The following ATG16L1 variants were observed in gnomAD, a reference collection of about 807,000 sequenced individuals.
ATG16L1 encodes the protein autophagy-related protein 16-1.
ATG16L1 carries 37 observed loss-of-function variants against 88.5 expected under a neutral mutation model. That is an observed-to-expected ratio of 0.42 (90% CI 0.32 to 0.55). The LOEUF is 0.55. ATG16L1 is among the 20% of genes least tolerant of loss of function. The pLI, the probability that ATG16L1 is intolerant of heterozygous loss-of-function variation, is 0.13. For missense variants in ATG16L1, 554 were observed against 752.8 expected (o/e 0.74, Z 3.09); for synonymous variants, 301 against 281.0 (o/e 1.07, Z -0.71).
chr2:233,253,335 T>TTG (rs1696527928), intron 1 of ATG16L1, among the ~76,000 whole-genome samples: 2 of 129,956 alleles, frequency 1.5e-5, no homozygotes, highest in Non-Finnish European at 3.4e-5. Flanking sequence ...AGACTGGGTT[T>TTG]TTTTGTTTTT....
At chr2:233,264,857 G>GGGCTCTGGCA (rs2125226422) in intron 4 of ATG16L1, 35 bp from the exon 5 acceptor site, 1 of 1,610,888 alleles carries the variant, frequency 6.2e-7, no homozygotes, top group Non-Finnish European at 8.5e-7. Flanking sequence ...GGGCTCTGGC[G>GGGCTCTGGCA]AGGTACTATT....
At chr2:233,283,080 G>A in intron 12 of ATG16L1, 1 of 256,066 alleles carries the variant, frequency 3.9e-6, no homozygotes, top group Non-Finnish European at 7.8e-6. Context: ...TGATTCCTGT[G>A]GGCTCTAAAA....
chr2:233,273,408 T>C (rs754094987), intron 7 of ATG16L1: 4 of 503,956 alleles, frequency 7.9e-6, no homozygotes, highest in African/African-American at 1.9e-5. Flanking sequence ...GAGTGGGGAT[T>C]GGTTACTAAC....
chr2:233,290,532 A>G (rs1359970184), intron 14 of ATG16L1, among the ~76,000 whole-genome samples, 179 bp downstream of exon 14: 2 of 152,142 alleles, frequency 1.3e-5, no homozygotes, highest in Admixed American at 6.5e-5. Context: ...GAGCTTAGCA[A>G]TCATTTATTG....
intron 10 of ATG16L1, among the ~76,000 whole-genome samples, chr2:233,279,001 C>G (rs1698552984): frequency 6.6e-6 from 1 of 151,972 alleles, no homozygotes; most frequent in South Asian, 2.1e-4. Flanking sequence ...AAAATGAGAC[C>G]CTGCCTCTAC....
chr2:233,292,066 A>G (rs963787864), intron 14 of ATG16L1, 62 bp from the exon 15 acceptor site: 11 of 1,570,458 alleles, frequency 7.0e-6, no homozygotes, highest in Non-Finnish European at 9.5e-6. Context: ...TTTTTCCTCC[A>G]CGGCATGATG....
intron 12 of ATG16L1, among the ~76,000 whole-genome samples, chr2:233,287,754 T>G (rs1337728400): frequency 6.6e-6 from 1 of 152,162 alleles, no homozygotes; most frequent in Non-Finnish European, 1.5e-5. Flanking sequence ...GGCACACGCC[T>G]ATAGTCCCAG....
intron 5 of ATG16L1, among the ~76,000 whole-genome samples, chr2:233,269,256 A>T (rs1697815050): frequency 6.6e-6 from 1 of 152,222 alleles, no homozygotes. Flanking sequence ...TATTTACCTC[A>T]AAAGGTTGTT....
intron 1 of ATG16L1, 44 bp from the exon 2 acceptor site, chr2:233,256,058 C>T (rs147015927): frequency 2.1e-5 from 31 of 1,508,396 alleles, no homozygotes; most frequent in African/African-American, 1.4e-4. Flanking sequence ...AGTGTACATA[C>T]GTTGTAATAA....
intron 5 of ATG16L1, among the ~76,000 whole-genome samples, chr2:233,268,388 A>G (rs995750230): frequency 1.3e-5 from 2 of 152,310 alleles, no homozygotes; most frequent in African/African-American, 2.4e-5. Context: ...GAACACAGGA[A>G]GCGGAGATTG....
chr2:233,255,307 G>A (rs1574838208), intron 1 of ATG16L1, among the ~76,000 whole-genome samples: 1 of 152,102 alleles, frequency 6.6e-6, no homozygotes, highest in Admixed American at 6.6e-5. Flanking sequence ...TTCTAATCTT[G>A]TGTTTTGAAT....
intron 10 of ATG16L1, among the ~76,000 whole-genome samples, chr2:233,279,264 A>G (rs2125265053): frequency 6.6e-6 from 1 of 152,356 alleles, no homozygotes; most frequent in South Asian, 2.1e-4. Flanking sequence ...TTTAAATAAA[A>G]ATAACACTAG....
chr2:233,279,335 A>G (rs553107593), intron 10 of ATG16L1, among the ~76,000 whole-genome samples: 4 of 146,942 alleles, frequency 2.7e-5, no homozygotes, highest in African/African-American at 1.0e-4. Flanking sequence ...AGAGGTACCA[A>G]CCTTTAATTC....
chr2:233,288,799 C>A (rs776585629), intron 12 of ATG16L1: 7 of 519,234 alleles, frequency 1.3e-5, no homozygotes, highest in Admixed American at 1.2e-4. Context: ...GCAGCTGACA[C>A]TCCGTGATGT....
intron 6 of ATG16L1, 123 bp from the exon 7 acceptor site, chr2:233,272,843 A>G: frequency 1.3e-6 from 1 of 773,564 alleles, no homozygotes; most frequent in Non-Finnish European, 2.3e-6. Context: ...AAGAATCTTT[A>G]ACGCATTGCT....
chr2:233,252,283 T>G (rs1241739480), intron 1 of ATG16L1, among the ~76,000 whole-genome samples: 8 of 152,200 alleles, frequency 5.3e-5, no homozygotes, highest in Non-Finnish European at 1.0e-4. Context: ...GTCGTTGACT[T>G]TCAGTCGCAG....
chr2:233,282,904 G>T, intron 12 of ATG16L1, 151 bp downstream of exon 12: 1 of 650,676 alleles, frequency 1.5e-6, no homozygotes, highest in Non-Finnish European at 2.7e-6. Flanking sequence ...GGGGAAATCT[G>T]TGTTTCCACT....
At chr2:233,256,520 C>A (rs1318420778) in intron 2 of ATG16L1, among the ~76,000 whole-genome samples, 3 of 152,034 alleles carry the variant, frequency 2.0e-5, no homozygotes, top group Non-Finnish European at 4.4e-5. Context: ...TAATCACAGA[C>A]AAGTATTTCT....
At chr2:233,288,594 A>G (rs1699237697) in intron 12 of ATG16L1, 2 of 371,032 alleles carry the variant, frequency 5.4e-6, no homozygotes, top group Admixed American at 6.4e-5. Context: ...GCATTTTCTA[A>G]TTAGAAAGAA....
Sources: allele counts gnomAD v4.1 joint callset (sites outside exome capture counted in the v4.1 genomes callset), GRCh38; gene constraint gnomAD v4.1.1; transcripts MANE v1.5; gene names NCBI Gene and HGNC (gene_info 2026-07-23, HGNC 2026-07-21).